TBC1D5: variants seen among roughly 807,000 people sequenced by gnomAD.
TBC1D5 encodes TBC1 domain family, member 5.
TBC1D5 carries 75 observed loss-of-function variants against 100.3 expected under a neutral mutation model. The ratio of observed to expected loss-of-function variants is 0.75; its 90% CI spans 0.62 to 0.91. The LOEUF (loss-of-function observed/expected upper bound fraction) is 0.91, where lower values mean the gene tolerates loss of function less well. TBC1D5 is among the 40% of genes least tolerant of loss of function. TBC1D5 has a pLI of 0.00. For missense variants in TBC1D5, 910 were observed against 942.4 expected (o/e 0.97, Z 0.45); for synonymous variants, 323 against 325.6 (o/e 0.99, Z 0.09).
At chr3:17,275,094 G>A (rs1487166024) in intron 15 of TBC1D5, among the ~76,000 whole-genome samples, 1 of 127,248 alleles carries the variant, frequency 7.9e-6, no homozygotes, top group Middle Eastern at 4.1e-3. Context: ...AGGTGAGTGA[G>A]GGGAGGAAAC....
intron 18 of TBC1D5, among the ~76,000 whole-genome samples, chr3:17,209,523 G>T (rs560086165): frequency 6.2e-4 from 95 of 152,248 alleles, no homozygotes; most frequent in Middle Eastern, 3.4e-3. Flanking sequence ...CACTATGGAA[G>T]ACAACCTGCT....
chr3:17,667,296 A>C (rs1436137487), intron 1 of TBC1D5, among the ~76,000 whole-genome samples: 1 of 152,184 alleles, frequency 6.6e-6, no homozygotes, highest in Non-Finnish European at 1.5e-5. Context: ...TCCAACTTAT[A>C]AAAATGAAGT....
At chr3:17,452,401 AACCCAAG>A (rs2094948683) in intron 3 of TBC1D5, among the ~76,000 whole-genome samples, 1 of 152,190 alleles carries the variant, frequency 6.6e-6, no homozygotes, top group Non-Finnish European at 1.5e-5. Context: ...ACATGATGAA[AACCCAAG>A]ACACAGTGAT....
intron 3 of TBC1D5, among the ~76,000 whole-genome samples, chr3:17,492,955 T>C (rs748152313): frequency 1.3e-5 from 2 of 152,252 alleles, no homozygotes; most frequent in Admixed American, 6.5e-5. Flanking sequence ...AATATTGTTA[T>C]GTGTGGATTT....
chr3:17,398,381 G>A (rs530744296), intron 8 of TBC1D5, among the ~76,000 whole-genome samples: 9 of 152,214 alleles, frequency 5.9e-5, no homozygotes, highest in East Asian at 3.9e-4. Flanking sequence ...ATACAGTGAC[G>A]TATCCAGATC....
chr3:17,548,800 T>C (rs185851896), intron 2 of TBC1D5, among the ~76,000 whole-genome samples: 12 of 152,340 alleles, frequency 7.9e-5, no homozygotes, highest in African/African-American at 2.6e-4. Context: ...AAGAATTATA[T>C]GTGTTACTTA....
At chr3:17,702,176 C>T (rs933462088) in intron 1 of TBC1D5, 1 of 152,092 alleles carries the variant, frequency 6.6e-6, no homozygotes, top group Non-Finnish European at 1.5e-5. Flanking sequence ...CTATATAATA[C>T]TTTGGCATAC....
At chr3:17,429,053 T>G in intron 3 of TBC1D5, among the ~76,000 whole-genome samples, 1 of 152,070 alleles carries the variant, frequency 6.6e-6, no homozygotes, top group Non-Finnish European at 1.5e-5. Context: ...CAAAACTTTA[T>G]CTGTTAACTT....
intron 17 of TBC1D5, among the ~76,000 whole-genome samples, chr3:17,226,435 C>G (rs776375186): frequency 6.6e-6 from 1 of 151,844 alleles, no homozygotes; most frequent in Non-Finnish European, 1.5e-5. Flanking sequence ...ATTCCCTCTT[C>G]AGGTCCAAGG....
At chr3:17,402,986 G>C (rs1191744753) in intron 8 of TBC1D5, among the ~76,000 whole-genome samples, 195 bp downstream of exon 8, 1 of 151,924 alleles carries the variant, frequency 6.6e-6, no homozygotes, top group African/African-American at 2.4e-5. Flanking sequence ...CTTTTAAAAA[G>C]GGAACATAGA....
intron 9 of TBC1D5, among the ~76,000 whole-genome samples, chr3:17,380,073 G>GTGTGTGTGTA (rs1233036965): frequency 2.5e-3 from 365 of 145,282 alleles, no homozygotes; most frequent in Non-Finnish European, 4.6e-3. Context: ...GTGTGTGTGT[G>GTGTGTGTGTA]TGTGTGTGTG....
At chr3:17,275,906 A>T (rs1224384988) in intron 15 of TBC1D5, among the ~76,000 whole-genome samples, 1 of 152,154 alleles carries the variant, frequency 6.6e-6, no homozygotes, top group East Asian at 1.9e-4. Context: ...ACCTGATACC[A>T]GGTACTCCAT....
intron 1 of TBC1D5, among the ~76,000 whole-genome samples, chr3:17,706,422 TACAC>T (rs34977117): frequency 0.1 from 15,434 of 151,304 alleles, 862 homozygotes; most frequent in African/African-American, 0.15. Context: ...CAACTTTACT[TACAC>T]ACACACACAC....
At chr3:17,631,699 T>C (rs1007010826) in intron 1 of TBC1D5, among the ~76,000 whole-genome samples, 3 of 152,204 alleles carry the variant, frequency 2.0e-5, no homozygotes, top group Non-Finnish European at 4.4e-5. Flanking sequence ...TTAAGAGTTA[T>C]GCTAATTCTA....
At chr3:17,160,177 A>G (rs1342625620) in exon 22 of TBC1D5, 3 of 152,240 alleles carry the variant, frequency 2.0e-5, no homozygotes, top group Admixed American at 6.5e-5. Context: ...TTTTCTGGCT[A>G]TGAAAGATTC....
chr3:17,665,509 ATGGGG>A (rs1439353633), intron 1 of TBC1D5, among the ~76,000 whole-genome samples: 1 of 152,136 alleles, frequency 6.6e-6, no homozygotes, highest in African/African-American at 2.4e-5. Context: ...AGTAATTTGG[ATGGGG>A]TCTAGCAAGT....
At chr3:17,410,177 CCAAATCTACT>C (rs1277525270) in intron 4 of TBC1D5, among the ~76,000 whole-genome samples, 1 of 152,100 alleles carries the variant, frequency 6.6e-6, no homozygotes, top group Non-Finnish European at 1.5e-5. Flanking sequence ...AAGAATTATG[CCAAATCTACT>C]CTCCTTGTGC....
At chr3:17,182,199 G>A (rs2068527645) in intron 19 of TBC1D5, among the ~76,000 whole-genome samples, 1 of 152,102 alleles carries the variant, frequency 6.6e-6, no homozygotes, top group South Asian at 2.1e-4. Flanking sequence ...TGCATCTGTG[G>A]GCCGTGGAGC....
intron 18 of TBC1D5, among the ~76,000 whole-genome samples, chr3:17,191,341 G>A (rs2069865482): frequency 6.6e-6 from 1 of 152,104 alleles, no homozygotes; most frequent in Non-Finnish European, 1.5e-5. Context: ...ATTACATTAG[G>A]TTTTCCAGAT....
Sources: allele counts gnomAD v4.1 joint callset (sites outside exome capture counted in the v4.1 genomes callset), GRCh38; gene constraint gnomAD v4.1.1; transcripts MANE v1.5; gene names NCBI Gene and HGNC (gene_info 2026-07-23, HGNC 2026-07-21).